Variants in CHD1L observed in about 807,000 individuals in gnomAD.
CHD1L encodes chromodomain helicase DNA binding protein 1 like, also known as ATP-dependent chromatin remodeler CHD1L.
CHD1L carries 118 observed loss-of-function variants against 115.9 expected under a neutral mutation model. The ratio of observed to expected loss-of-function variants is 1.02; its 90% CI spans 0.88 to 1.19. The LOEUF (loss-of-function observed/expected upper bound fraction) is 1.19. Ranked by LOEUF, CHD1L falls within the 50% of genes most tolerant of loss-of-function variation. The pLI, the probability that CHD1L is intolerant of heterozygous loss-of-function variation, is 0.00. For missense variants in CHD1L, 1,179 were observed against 1,065.3 expected (o/e 1.11, Z -1.49); for synonymous variants, 411 against 387.1 (o/e 1.06, Z -0.72).
At chr1:147,196,495 A>AAAC in the CHD1L span, among the ~76,000 whole-genome samples, 6 of 152,050 alleles carry the variant, frequency 3.9e-5, no homozygotes, top group African/African-American at 1.5e-4. Context: ...AGAAAGAAAA[A>AAAC]AACAACAAAA....
At chr1:147,281,401 A>T (rs902574424) in intron 15 of CHD1L, among the ~76,000 whole-genome samples, 5 of 152,020 alleles carry the variant, frequency 3.3e-5, no homozygotes, top group Non-Finnish European at 7.4e-5. Context: ...CTTAACTTCC[A>T]TAAGTTGAAG....
chr1:147,268,112 C>T (rs947002247), intron 9 of CHD1L, among the ~76,000 whole-genome samples: 19 of 152,226 alleles, frequency 1.2e-4, no homozygotes, highest in Non-Finnish European at 2.4e-4. Flanking sequence ...ACTTTCTCTT[C>T]TCCATCTGCT....
the CHD1L span, among the ~76,000 whole-genome samples, chr1:147,202,784 C>CT: frequency 6.6e-6 from 1 of 152,148 alleles, no homozygotes; most frequent in African/African-American, 2.4e-5. Context: ...ATGATTTCAT[C>CT]TTTTTCTCCA....
intron 8 of CHD1L, among the ~76,000 whole-genome samples, chr1:147,266,825 G>A (rs782637677): frequency 9.2e-5 from 14 of 152,198 alleles, no homozygotes; most frequent in Non-Finnish European, 1.8e-4. Flanking sequence ...TTCTGTCTGT[G>A]ACATTGTGAA....
At chr1:147,204,899 C>T in the CHD1L span, 51 of 1,582,814 alleles carry the variant, frequency 3.2e-5, no homozygotes, top group African/African-American at 3.5e-4. Flanking sequence ...AGCATCTGGG[C>T]GAAGCCCGGA....
At chr1:147,190,743 T>C in the CHD1L span, among the ~76,000 whole-genome samples, 879 of 152,218 alleles carry the variant, frequency 5.8e-3, 10 homozygotes, top group African/African-American at 0.019. Context: ...GCAGGTTTGT[T>C]ACATACGTAT....
At chr1:147,201,473 C>T in the CHD1L span, 1 of 1,613,946 alleles carries the variant, frequency 6.2e-7, no homozygotes, top group Middle Eastern at 1.6e-4. Flanking sequence ...TTTGGCAGGT[C>T]ATCATTTAAG....
chr1:147,204,683 T>C, the CHD1L span: 12 of 1,569,414 alleles, frequency 7.6e-6, no homozygotes, highest in Non-Finnish European at 1.1e-5. Flanking sequence ...ACAGTCATTT[T>C]TGCAGCAGGA....
chr1:147,213,460 C>T, the CHD1L span: 2 of 1,604,552 alleles, frequency 1.2e-6, no homozygotes, highest in Non-Finnish European at 1.7e-6. Flanking sequence ...CTTCACACTG[C>T]ACACAGTGGT....
At chr1:147,210,296 C>G in the CHD1L span, 1 of 152,224 alleles carries the variant, frequency 6.6e-6, no homozygotes, top group Non-Finnish European at 1.5e-5. Flanking sequence ...GTCAGTCTTT[C>G]TGTGTCCTCC....
chr1:147,209,119 T>C, the CHD1L span: 1 of 1,406,880 alleles, frequency 7.1e-7, no homozygotes, highest in Non-Finnish European at 9.9e-7. Flanking sequence ...CACCCCCATT[T>C]TCTTCAAGAA....
chr1:147,191,628 C>A, the CHD1L span, among the ~76,000 whole-genome samples: 1 of 149,320 alleles, frequency 6.7e-6, no homozygotes, highest in Non-Finnish European at 1.5e-5. Flanking sequence ...TTCCCATTTT[C>A]TTGGTTGCCT....
In CHD1L at chr1:147,294,407, A is replaced by G. The variant is rs782452846; in HGVS notation, c.2507-2A>G. ...AGACATGTGTTCTTCTCTTCATAAT[A>G]GCAAGTGTTCATCTTCCACGTATTG... On this transcript the variant is annotated splice_acceptor_variant, in intron 21 of 22. Coordinates refer to ENST00000369258, the MANE Select transcript of CHD1L (RefSeq NM_004284.6). LOFTEE classifies it high-confidence loss of function. 65 of 1,608,202 alleles carry G rather than the reference A, an allele frequency of 4.0e-5. 2 individuals carry two copies. The South Asian group carries it at 6.7e-4, about 16-fold the overall frequency.
At chr1:147,265,828 A>C (rs1673667660) in intron 7 of CHD1L, 104 bp from the exon 8 acceptor site, 3 of 1,041,218 alleles carry the variant, frequency 2.9e-6, no homozygotes, top group East Asian at 5.4e-5. Context: ...ATGCAAAATA[A>C]GCGTGAAATA....
intron 6 of CHD1L, among the ~76,000 whole-genome samples, chr1:147,262,286 TG>T (rs1483208050): frequency 4.5e-4 from 68 of 152,262 alleles, no homozygotes; most frequent in Admixed American, 3.9e-4. Flanking sequence ...GCAGTGCATT[TG>T]CAAAAGGTAA....
the CHD1L span, among the ~76,000 whole-genome samples, chr1:147,220,903 A>T: frequency 6.6e-6 from 1 of 150,800 alleles, no homozygotes; most frequent in Middle Eastern, 3.4e-3. Flanking sequence ...ATTGAATGCT[A>T]ATTTCTTACT....
chr1:147,291,103 C>T (rs1482620654), intron 19 of CHD1L, among the ~76,000 whole-genome samples: 1 of 152,102 alleles, frequency 6.6e-6, no homozygotes, highest in African/African-American at 2.4e-5. Flanking sequence ...ATTATACAAA[C>T]AGGTAGAGAT....
intron 1 of CHD1L, among the ~76,000 whole-genome samples, chr1:147,246,647 A>G (rs181753783): frequency 7.9e-4 from 121 of 152,268 alleles, no homozygotes; most frequent in African/African-American, 2.9e-3. Flanking sequence ...GAATTTCCCT[A>G]TTGGCTAATG....
At position 147,251,780 on chromosome 1, in the gene CHD1L, C is replaced by T. The variant is rs587603738; in HGVS notation, c.128-843C>T. 2.4e-4 allele frequency among the ~76,000 whole-genome samples: 36 copies of T among 152,234 alleles called. No homozygotes were observed. The South Asian group carries it at 7.1e-3, about 30-fold the overall frequency. On this transcript the variant is annotated intron_variant, in intron 1 of 22. Transcript: ENST00000369258. The stretch of plus-strand genomic sequence containing the variant: ...TTCTGACCTCAGGTGATCTGCCTGC[C>T]TCAGCCTCCCAAAGTGCTGGGATTA...
Sources: allele counts gnomAD v4.1 joint callset (sites outside exome capture counted in the v4.1 genomes callset), GRCh38; gene constraint gnomAD v4.1.1; transcripts MANE v1.5; gene names NCBI Gene and HGNC (gene_info 2026-07-23, HGNC 2026-07-21).